The following IFT43 variants were observed in gnomAD, a reference collection of about 807,000 sequenced individuals.
The protein encoded by IFT43 is intraflagellar transport 43, also known as intraflagellar transport protein 43 homolog.
A neutral mutation model predicts 32.3 loss-of-function variants in IFT43; 33 were observed. The ratio of observed to expected loss-of-function variants is 1.02; its 90% CI spans 0.77 to 1.37. The LOEUF (loss-of-function observed/expected upper bound fraction) is 1.37. IFT43 is among the 40% of genes most tolerant of loss of function. IFT43 has a pLI of 0.00. For missense variants in IFT43, 274 were observed against 265.9 expected (o/e 1.03, Z -0.21); for synonymous variants, 93 against 98.2 (o/e 0.95, Z 0.31).
At chr14:76,032,406 C>T (rs2036524552) in intron 3 of IFT43, among the ~76,000 whole-genome samples, 1 of 152,152 alleles carries the variant, frequency 6.6e-6, no homozygotes, top group African/African-American at 2.4e-5. Flanking sequence ...AGTAGCATGC[C>T]AACCAGTCAA....
At chr14:76,041,578 C>T (rs956969537) in intron 3 of IFT43, among the ~76,000 whole-genome samples, 5 of 152,158 alleles carry the variant, frequency 3.3e-5, no homozygotes, top group African/African-American at 1.2e-4. Flanking sequence ...TTTAGTTGTA[C>T]AAGCAAACTG....
chr14:76,009,092 G>A (rs2036031422), intron 2 of IFT43, among the ~76,000 whole-genome samples: 1 of 152,164 alleles, frequency 6.6e-6, no homozygotes, highest in African/African-American at 2.4e-5. Flanking sequence ...TGGGCACTTT[G>A]TTTCAGCCCA....
chr14:76,035,873 A>C (rs2036588986), intron 3 of IFT43, among the ~76,000 whole-genome samples: 1 of 152,228 alleles, frequency 6.6e-6, no homozygotes, highest in East Asian at 1.9e-4. Context: ...GGCCATGAGA[A>C]GTCTCATCTG....
chr14:76,059,567 C>T, intron 5 of IFT43, 194 bp downstream of exon 5: 2 of 613,012 alleles, frequency 3.3e-6, no homozygotes, highest in Non-Finnish European at 5.9e-6. Flanking sequence ...CCTTCTTTAT[C>T]TGATAACCCT....
At chr14:76,072,700 T>C (rs4903376) in intron 5 of IFT43, among the ~76,000 whole-genome samples, 53,071 of 152,030 alleles carry the variant, frequency 0.35, 9,391 homozygotes, top group African/African-American at 0.4. Flanking sequence ...AGGATTGTGA[T>C]TAATAGCAAA....
intron 3 of IFT43, among the ~76,000 whole-genome samples, chr14:76,039,701 T>C (rs2036670218): frequency 2.6e-5 from 4 of 152,208 alleles, no homozygotes; most frequent in Non-Finnish European, 2.9e-5. Context: ...TCAAAAGATA[T>C]GAAAGAGTGG....
chr14:76,076,706 G>C, intron 5 of IFT43: 1 of 1,613,990 alleles, frequency 6.2e-7, no homozygotes, highest in Non-Finnish European at 8.5e-7. Context: ...GCTTTTGACT[G>C]TCAGTCTACG....
In IFT43 at chr14:75,988,942, A is replaced by G. The variant is rs1055794801; in HGVS notation, c.112A>G (p.Asn38Asp). 2 of 1,613,944 alleles carry G rather than the reference A, an allele frequency of 1.2e-6. No homozygotes were observed. Among genetic ancestry groups the G allele is most frequent in the African/African-American group, 1.3e-5 (1 of 74,928 alleles). ...GTCAGCGCAGGCCGAGAATCACCTC[A>G]ATGGCAAGAATTCCTCTTTGACTCT... is the stretch of plus-strand genomic sequence containing the variant. The part of the protein sequence containing the change: ...QESAQAENHL[N>D]GKNSSLTLTG... The change falls in exon 2 of 9, where the codon AAT becomes GAT. Residue 38 changes from asparagine (N) to aspartate (D), a missense_variant. Transcript: ENST00000314067.
intron 5 of IFT43, among the ~76,000 whole-genome samples, chr14:76,080,992 C>T (rs551470598): frequency 2.6e-5 from 4 of 152,218 alleles, no homozygotes; most frequent in African/African-American, 9.6e-5. Context: ...CTCTTTTTAT[C>T]CCTTGTTTTC....
intron 2 of IFT43, among the ~76,000 whole-genome samples, chr14:76,011,944 A>G (rs2036094031): frequency 6.6e-6 from 1 of 152,204 alleles, no homozygotes; most frequent in African/African-American, 2.4e-5. Context: ...TGCCAAGCAT[A>G]TAAAGAACAA....
chr14:76,068,197 G>A (rs2037259104), intron 5 of IFT43, among the ~76,000 whole-genome samples: 1 of 152,240 alleles, frequency 6.6e-6, no homozygotes, highest in African/African-American at 2.4e-5. Flanking sequence ...GAAAGGAAGA[G>A]CATGTGCTGG....
At chr14:76,051,509 G>A (rs1388421809) in intron 3 of IFT43, among the ~76,000 whole-genome samples, 1 of 151,994 alleles carries the variant, frequency 6.6e-6, no homozygotes, top group Admixed American at 6.6e-5. Flanking sequence ...CACTGCAAAG[G>A]CTCATTTGGC....
intron 3 of IFT43, among the ~76,000 whole-genome samples, chr14:76,028,650 CTCCTCTATGTCTA>C (rs1179871547): frequency 6.6e-6 from 1 of 152,044 alleles, no homozygotes; most frequent in Non-Finnish European, 1.5e-5. Flanking sequence ...CTGTTGTTCC[CTCCTCTATGTCTA>C]TATGTGCCCA....
In IFT43 at chr14:75,989,091, C is replaced by T. The variant is rs559965548; in HGVS notation, c.147+114C>T. The T allele has an allele frequency of 3.0e-6, 4 of 1,315,352 alleles. No individual in the cohort carries two copies. In the Admixed American group the frequency reaches 7.9e-5, roughly 26 times the overall value. The allele number at this position is 1,315,352 out of a possible 1,614,324, so 81.5% of individuals were successfully genotyped here. On this transcript the variant is annotated intron_variant, in intron 2 of 8. Coordinates refer to ENST00000314067, the MANE Select transcript of IFT43 (RefSeq NM_001102564.3). ...CTTCTCTTGAATGCCAACCCTTTCTCCTGTCTTGATTTGGGAATTCCCTTC... is the reference window on the plus strand; with the variant it reads ...CTTCTCTTGAATGCCAACCCTTTCTTCTGTCTTGATTTGGGAATTCCCTTC...
intron 2 of IFT43, among the ~76,000 whole-genome samples, chr14:75,994,389 G>T (rs1383781357): frequency 2.6e-5 from 4 of 152,082 alleles, no homozygotes; most frequent in Non-Finnish European, 5.9e-5. Flanking sequence ...TTGGTCATTC[G>T]ATACATTTCA....
intron 5 of IFT43, among the ~76,000 whole-genome samples, chr14:76,072,083 G>A (rs1265280138): frequency 6.6e-6 from 1 of 152,166 alleles, no homozygotes; most frequent in East Asian, 1.9e-4. Context: ...GCCTGGGCTG[G>A]CTAGAGACAA....
intron 5 of IFT43, chr14:76,076,490 C>A: frequency 3.3e-6 from 5 of 1,530,494 alleles, no homozygotes; most frequent in Non-Finnish European, 4.4e-6. Flanking sequence ...CTCCTTTGTT[C>A]TCTCCCTGCT....
At chr14:76,003,516 C>G (rs2035927949) in intron 2 of IFT43, among the ~76,000 whole-genome samples, 1 of 151,850 alleles carries the variant, frequency 6.6e-6, no homozygotes, top group South Asian at 2.1e-4. Context: ...ATCCCAGCTA[C>G]TTGGGAGGCT....
At chr14:76,066,597 G>A (rs1037361282) in intron 5 of IFT43, among the ~76,000 whole-genome samples, 1 of 152,208 alleles carries the variant, frequency 6.6e-6, no homozygotes, top group African/African-American at 2.4e-5. Flanking sequence ...TATCCAGTGG[G>A]TGGGGAAACT....
Sources: gnomAD v4.1 joint callset for allele counts (sites outside exome capture counted in the v4.1 genomes callset) on GRCh38, gnomAD v4.1.1 for gene constraint, MANE v1.5 for transcripts, NCBI Gene and HGNC (gene_info 2026-07-23, HGNC 2026-07-21) for gene names.